Variants in ELMO1 observed in about 807,000 individuals in gnomAD.
ELMO1 encodes engulfment and cell motility protein 1.
A neutral mutation model predicts 98.9 loss-of-function variants in ELMO1; 26 were observed. The ratio of observed to expected loss-of-function variants is 0.26; its 90% CI spans 0.19 to 0.36. The LOEUF is 0.36. ELMO1 is among the 10% of genes least tolerant of loss of function. The pLI is 1.00. For missense variants in ELMO1, 627 were observed against 935.2 expected, an observed-to-expected ratio of 0.67 and a Z score of 4.30; for synonymous variants, 346 against 346.0, an observed-to-expected ratio of 1.00 and a Z score of 0.00.
At chr7:36,914,995 C>A (rs1784589820) in intron 16 of ELMO1, among the ~76,000 whole-genome samples, 1 of 152,094 alleles carries the variant, frequency 6.6e-6, no homozygotes, top group Admixed American at 6.6e-5. Context: ...GCTCTGTTGC[C>A]CAGACTGGAG....
chr7:37,154,244 G>A (rs1788571358), intron 13 of ELMO1, among the ~76,000 whole-genome samples: 1 of 152,184 alleles, frequency 6.6e-6, no homozygotes, highest in African/African-American at 2.4e-5. Context: ...CCAAAAACCA[G>A]AGCACCTCTT....
At chr7:36,930,633 C>G (rs1785961836) in intron 16 of ELMO1, among the ~76,000 whole-genome samples, 1 of 152,224 alleles carries the variant, frequency 6.6e-6, no homozygotes, top group Non-Finnish European at 1.5e-5. Context: ...ATAAAATCAT[C>G]TTCTACAGAA....
At chr7:37,410,228 C>G (rs1803941929) in intron 1 of ELMO1, among the ~76,000 whole-genome samples, 1 of 152,160 alleles carries the variant, frequency 6.6e-6, no homozygotes, top group Admixed American at 6.5e-5. Flanking sequence ...AGTACTATTG[C>G]AGTTTGGTGA....
chr7:37,326,373 G>A (rs1452304069), intron 2 of ELMO1, among the ~76,000 whole-genome samples: 1 of 151,978 alleles, frequency 6.6e-6, no homozygotes, highest in East Asian at 1.9e-4. Flanking sequence ...TGGCCCACAC[G>A]GTGAAACTCC....
chr7:37,314,092 G>C (rs564532420), intron 4 of ELMO1, among the ~76,000 whole-genome samples: 26 of 152,300 alleles, frequency 1.7e-4, no homozygotes, highest in African/African-American at 5.3e-4. Context: ...GTCTAAACTT[G>C]CTTCTTGTAG....
chr7:36,966,999 C>T (rs940347551), intron 16 of ELMO1, among the ~76,000 whole-genome samples: 1 of 152,130 alleles, frequency 6.6e-6, no homozygotes, highest in East Asian at 1.9e-4. Flanking sequence ...CAAGGTATAA[C>T]GTGCTTGGTT....
chr7:37,226,064 C>A (rs137969875), intron 8 of ELMO1, among the ~76,000 whole-genome samples: 1 of 152,276 alleles, frequency 6.6e-6, no homozygotes, highest in Non-Finnish European at 1.5e-5. Context: ...CACACCATGG[C>A]AGTTCCCAGG....
intron 15 of ELMO1, among the ~76,000 whole-genome samples, chr7:37,058,826 C>T (rs1042693767): frequency 7.9e-5 from 12 of 152,080 alleles, no homozygotes; most frequent in African/African-American, 2.2e-4. Flanking sequence ...TGAAATGTTC[C>T]GAAAATCTTT....
intron 13 of ELMO1, among the ~76,000 whole-genome samples, chr7:37,193,520 G>A (rs1054086973): frequency 1.3e-5 from 2 of 152,186 alleles, no homozygotes; most frequent in Non-Finnish European, 2.9e-5. Flanking sequence ...AGAGTGACAC[G>A]GAGGCTGGAG....
At chr7:37,407,507 C>CAA (rs34117162) in intron 1 of ELMO1, among the ~76,000 whole-genome samples, 268 of 91,630 alleles carry the variant, frequency 2.9e-3, no homozygotes, top group Middle Eastern at 0.013. Context: ...AACTCCATCT[C>CAA]AAAAAAAAAA....
intron 13 of ELMO1, among the ~76,000 whole-genome samples, chr7:37,200,546 T>TG (rs1317742775): frequency 6.6e-6 from 1 of 152,214 alleles, no homozygotes; most frequent in Non-Finnish European, 1.5e-5. Flanking sequence ...CTGTGACGAA[T>TG]GGGCCACCTG....
chr7:37,374,076 G>A (rs1232653270), intron 1 of ELMO1, among the ~76,000 whole-genome samples: 1 of 152,202 alleles, frequency 6.6e-6, no homozygotes, highest in Non-Finnish European at 1.5e-5. Context: ...ACGTGGCTGT[G>A]GCCCAGCTTT....
intron 16 of ELMO1, among the ~76,000 whole-genome samples, chr7:36,984,585 C>T (rs1791357487): frequency 6.6e-6 from 1 of 152,178 alleles, no homozygotes; most frequent in Non-Finnish European, 1.5e-5. Context: ...CACGTGAAGA[C>T]CCACAGCATT....
At chr7:37,079,757 C>A (rs1048598496) in intron 15 of ELMO1, among the ~76,000 whole-genome samples, 1 of 152,120 alleles carries the variant, frequency 6.6e-6, no homozygotes, top group East Asian at 1.9e-4. Context: ...TCCTATGCCC[C>A]TGGGAGCCCC....
At chr7:37,364,331 A>T (rs936886953) in intron 1 of ELMO1, among the ~76,000 whole-genome samples, 1 of 152,240 alleles carries the variant, frequency 6.6e-6, no homozygotes, top group Non-Finnish European at 1.5e-5. Flanking sequence ...GCCAAATATG[A>T]TGTTAAATCT....
intron 13 of ELMO1, among the ~76,000 whole-genome samples, chr7:37,188,774 C>T (rs748616715): frequency 7.2e-5 from 11 of 152,204 alleles, no homozygotes; most frequent in Middle Eastern, 3.4e-3. Context: ...CACAACCCAA[C>T]GACCACTAAA....
At chr7:36,970,915 A>C (rs774891392) in intron 16 of ELMO1, among the ~76,000 whole-genome samples, 31 of 152,194 alleles carry the variant, frequency 2.0e-4, no homozygotes, top group Non-Finnish European at 4.0e-4. Flanking sequence ...ACATGAGGGG[A>C]GAGGCCAGGA....
intron 16 of ELMO1, among the ~76,000 whole-genome samples, chr7:36,937,048 T>C (rs1431869770): frequency 1.3e-5 from 2 of 152,238 alleles, no homozygotes; most frequent in African/African-American, 2.4e-5. Flanking sequence ...GGCTTTGTTT[T>C]ATTTTTGGCA....
intron 16 of ELMO1, among the ~76,000 whole-genome samples, chr7:36,936,389 C>T (rs950363628): frequency 1.1e-4 from 16 of 152,268 alleles, no homozygotes; most frequent in African/African-American, 2.9e-4. Context: ...CCCTGGATTA[C>T]GCTGGCCCTG....
Sources: gnomAD v4.1 joint callset for allele counts (sites outside exome capture counted in the v4.1 genomes callset) on GRCh38, gnomAD v4.1.1 for gene constraint, MANE v1.5 for transcripts, NCBI Gene and HGNC (gene_info 2026-07-23, HGNC 2026-07-21) for gene names.